Variants in RAD52 observed in about 807,000 individuals in gnomAD.
RAD52 encodes RAD52 DNA repair protein, also known as DNA repair protein RAD52 homolog.
RAD52 carries 47 observed loss-of-function variants against 55.5 expected under a neutral mutation model. The observed-to-expected ratio is 0.85, with a 90% CI of 0.67 to 1.08. RAD52 has a LOEUF of 1.08. RAD52 is among the 50% of genes least tolerant of loss of function. The pLI, the probability that RAD52 is intolerant of heterozygous loss-of-function variation, is 0.00. For synonymous variants in RAD52, 184 were observed against 198.9 expected (o/e 0.92, Z 0.63); for missense variants, 468 against 522.8 (o/e 0.90, Z 1.02).
rs927940723 is a variant in RAD52, at chr12:911,948, T to C, written c.*1443A>G. 1.1e-4 allele frequency: 20 copies of C among 188,958 alleles called. No individual in the cohort carries two copies. The highest frequency in any genetic ancestry group is 4.2e-4 in the African/African-American group (18 of 42,948). 11.7% of individuals were successfully genotyped at this position (188,958 alleles called of 1,614,324 possible). On this transcript the variant is annotated 3_prime_UTR_variant, in exon 12 of 12. Transcript: ENST00000358495. ...TGAGGCAGGAGAATTGCTTGAATCCTGGCAGGCGGAGGCTGCAATGAGTCA... is the reference window on the plus strand; with the variant it reads ...TGAGGCAGGAGAATTGCTTGAATCCCGGCAGGCGGAGGCTGCAATGAGTCA...
chr12:927,029 C>T, intron 6 of RAD52, 116 bp downstream of exon 6: 3 of 1,524,400 alleles, frequency 2.0e-6, no homozygotes, highest in Non-Finnish European at 2.7e-6. Context: ...AATTACCTTC[C>T]ACGCTGCTTG....
chr12:978,769 G>A (rs1293532528), intron 1 of RAD52, among the ~76,000 whole-genome samples: 1 of 152,072 alleles, frequency 6.6e-6, no homozygotes, highest in Non-Finnish European at 1.5e-5. Flanking sequence ...CTACTCGGGA[G>A]GCTGAGGCAG....
chr12:987,582 A>T, intron 1 of RAD52, among the ~76,000 whole-genome samples: 1 of 144,620 alleles, frequency 6.9e-6, no homozygotes, highest in African/African-American at 2.6e-5. Flanking sequence ...TTTTCCTGAG[A>T]CAGGATCTGG....
intron 3 of RAD52, 31 bp downstream of exon 3, chr12:931,189 G>C (rs776780204): frequency 3.8e-6 from 6 of 1,568,812 alleles, no homozygotes; most frequent in Non-Finnish European, 4.4e-6. Flanking sequence ...CGGTATGGAT[G>C]CCTGCTTTCC....
rs2154113962 is a variant in RAD52 at position 930,070 on chromosome 12, G to A, written c.261C>T (p.Ser87=). The A allele has an allele frequency of 6.2e-7, 1 of 1,613,968 alleles. No individual in the cohort carries two copies. Among genetic ancestry groups the A allele is most frequent in the African/African-American group, 1.3e-5 (1 of 75,044 alleles). The part of the protein sequence containing the change: ...EMFGYNGWAH[S]ITQQNVDFVD... ...ACTCACCCACATTCTGCTGCGTGAT[G>A]GAGTGTGCCCAGCCATTGTAACCAA... is the stretch of plus-strand genomic sequence containing the variant. Residue 87 remains serine (S), a synonymous_variant, in exon 4 of 12, where the codon TCC becomes TCT. Transcript: ENST00000358495.
chr12:928,970 T>A (rs540130671), intron 5 of RAD52, among the ~76,000 whole-genome samples: 1 of 152,214 alleles, frequency 6.6e-6, no homozygotes, highest in East Asian at 1.9e-4. Context: ...GCTCAGGTGA[T>A]CCTCCCACCT....
chr12:925,946 A>C (rs1392823892), intron 6 of RAD52, among the ~76,000 whole-genome samples: 2 of 152,072 alleles, frequency 1.3e-5, no homozygotes, highest in East Asian at 3.8e-4. Flanking sequence ...CAGAGTTCTT[A>C]ACTTGGGATC....
intron 7 of RAD52, among the ~76,000 whole-genome samples, chr12:923,637 G>A (rs76529811): frequency 0.13 from 20,394 of 151,748 alleles, 1,640 homozygotes; most frequent in Middle Eastern, 0.22. Context: ...GGGGAAATGC[G>A]GAGTTCTTGT....
rs59676475 is a variant in RAD52 at position 912,014 on chromosome 12, A to AC, written c.*1376dup. ...ACTCCAGCCTGCGCTACAGAGCCAG[A>AC]CCCCCCCTCTCAAAAAAAAAGTTGT... is the stretch of plus-strand genomic sequence containing the variant. On this transcript the variant is annotated 3_prime_UTR_variant, in exon 12 of 12. Coordinates refer to ENST00000358495, the MANE Select transcript of RAD52 (RefSeq NM_134424.4). 46,636 of 195,644 alleles carry AC rather than the reference A, an allele frequency of 0.24. 5,074 individuals carry two copies. Among genetic ancestry groups the AC allele is most frequent in the African/African-American group, 0.31 (13,500 of 42,924 alleles). The allele number at this position is 195,644 out of a possible 1,614,324, so 12.1% of individuals were successfully genotyped here.
In RAD52 at chr12:912,822, AG is replaced by A. The variant is rs1592299095; in HGVS notation, c.*568del. On this transcript the variant is annotated 3_prime_UTR_variant, in exon 12 of 12. Transcript: ENST00000358495. ...AAAAATGTCAGTCTTGAAACAATGC[AG>A]GATTGTAATGTCATAAATCCATAAA... The A allele has an allele frequency of 5.3e-6, 1 of 189,612 alleles. No individual in the cohort carries two copies. The highest frequency in any genetic ancestry group is 8.5e-5 in the East Asian group (1 of 11,790). The allele number at this position is 189,612 out of a possible 1,614,324, so 11.7% of individuals were successfully genotyped here. A position where few individuals can be genotyped will look rare whatever the true frequency, so the allele number is the denominator to read the frequency against.
Position 919,699 on chromosome 12 carries a change from C to CA in RAD52, c.544-2880dup, listed in dbSNP as rs1475308757. ...CCGGGAGGCGGAGGTTGCAGTGAGC[C>CA]AAGATAGCGCCACTGCACTCCAGCC... On this transcript the variant is annotated intron_variant, in intron 7 of 11. Transcript: ENST00000358495. 4.5e-5 allele frequency among the ~76,000 whole-genome samples: 4 copies of CA among 88,518 alleles called. 1 individual carries two copies. The highest frequency in any genetic ancestry group is 2.0e-4 in the African/African-American group (4 of 20,010). 58.1% of individuals were successfully genotyped at this position (88,518 alleles called of 152,430 possible).
At chr12:941,615 G>T (rs1014806699) in intron 1 of RAD52, among the ~76,000 whole-genome samples, 2 of 149,838 alleles carry the variant, frequency 1.3e-5, no homozygotes, top group African/African-American at 4.9e-5. Flanking sequence ...GCCACACCTG[G>T]CCCAAAATTT....
upstream of RAD52, chr12:990,621 G>A (rs1672009785): frequency 6.6e-6 from 1 of 152,246 alleles, no homozygotes; most frequent in Non-Finnish European, 1.5e-5. Flanking sequence ...GCAGCCCCGC[G>A]AGTCTCAGGT....
intron 1 of RAD52, among the ~76,000 whole-genome samples, chr12:960,821 T>C (rs1443774751): frequency 3.3e-5 from 5 of 152,026 alleles, no homozygotes; most frequent in Non-Finnish European, 7.4e-5. Context: ...CAGATGAAAA[T>C]GTCAACTTAA....
intron 1 of RAD52, among the ~76,000 whole-genome samples, chr12:948,673 A>C (rs1395684997): frequency 6.6e-5 from 10 of 151,968 alleles, no homozygotes; most frequent in South Asian, 4.2e-4. Context: ...TTTTTTAAAA[A>C]AGGGAGTGAA....
At chr12:971,839 C>G (rs951636505) in intron 1 of RAD52, among the ~76,000 whole-genome samples, 5 of 151,324 alleles carry the variant, frequency 3.3e-5, no homozygotes, top group Non-Finnish European at 7.4e-5. Flanking sequence ...GCTCCGCCCC[C>G]CGGGGTTCAC....
rs1318019729 is a variant in RAD52, at chr12:920,194, G to A, written c.544-3374C>T. On this transcript the variant is annotated intron_variant, in intron 7 of 11. Coordinates refer to ENST00000358495, the MANE Select transcript of RAD52 (RefSeq NM_134424.4). ...ATCGCACCACTGCACTCTAGCCTGG[G>A]CGGCAGAGCAAGACTCCGTCTCAAA... Among the ~76,000 whole-genome samples the A allele has an allele frequency of 5.5e-5, 6 of 108,240 alleles. 1 individual carries two copies. The highest frequency in any genetic ancestry group is 1.2e-4 in the Non-Finnish European group (6 of 51,908). The allele number at this position is 108,240 out of a possible 152,430, so 71.0% of individuals were successfully genotyped here. A position where few individuals can be genotyped will look rare whatever the true frequency, so the allele number is the denominator to read the frequency against.
At chr12:977,844 T>C (rs1306382888) in intron 1 of RAD52, among the ~76,000 whole-genome samples, 2 of 152,184 alleles carry the variant, frequency 1.3e-5, no homozygotes, top group African/African-American at 4.8e-5. Context: ...CAGTCACTAA[T>C]TGAGGGTTGC....
rs755459968 is a variant in RAD52 at position 927,136 on chromosome 12, C to T, written c.467+9G>A. The T allele has an allele frequency of 1.3e-5, 21 of 1,610,662 alleles. No individual in the cohort carries two copies. The highest frequency in any genetic ancestry group is 3.3e-4 in the Middle Eastern group (2 of 5,998). ...ATGACGCAGGTTAGACTCCCAGCCC[C>T]GCGCTCACCTGAGGGCTCGCTTCAG... On this transcript the variant is annotated intron_variant, in intron 6 of 11. Transcript: ENST00000358495.
Sources: allele counts gnomAD v4.1 joint callset (sites outside exome capture counted in the v4.1 genomes callset), GRCh38; gene constraint gnomAD v4.1.1; transcripts MANE v1.5; gene names NCBI Gene and HGNC (gene_info 2026-07-23, HGNC 2026-07-21).